Variants in MAMDC4 observed in about 807,000 individuals in gnomAD.
The protein encoded by MAMDC4 is apical endosomal glycoprotein.
MAMDC4 carries 168 observed loss-of-function variants against 153.3 expected under a neutral mutation model. The ratio of observed to expected loss-of-function variants is 1.10; its 90% CI spans 0.97 to 1.25. The LOEUF (loss-of-function observed/expected upper bound fraction) is 1.25, where lower values mean the gene tolerates loss of function less well. Among genes scored for constraint, MAMDC4 ranks in the 50% most tolerant of loss-of-function variants. The pLI is 0.00. For missense variants in MAMDC4, 1,701 were observed against 1,542.8 expected, an observed-to-expected ratio of 1.10 and a Z score of -1.72; for synonymous variants, 744 against 651.5, an observed-to-expected ratio of 1.14 and a Z score of -2.16.
At chr9:136,860,485 C>T in intron 26 of MAMDC4, 77 bp from the exon 27 acceptor site, 1 of 1,479,526 alleles carries the variant, frequency 6.8e-7, no homozygotes. Context: ...CGTGCCATTG[C>T]ACTCCATCCT....
rs763951533 is a variant in MAMDC4, at chr9:136,854,849, C to G, written c.1022C>G (p.Ser341Trp). The G allele has an allele frequency of 6.2e-7, 1 of 1,612,642 alleles. No individual in the cohort carries two copies. Among genetic ancestry groups the G allele is most frequent in the Non-Finnish European group, 8.5e-7 (1 of 1,179,882 alleles). The change falls in exon 9 of 27, where the codon TCG becomes TGG. Residue 341 changes from serine (S) to tryptophan (W), a missense_variant and splice_region_variant. Physicochemically the swap from Ser to Trp is radical, Grantham distance 177 (BLOSUM62 -3). Coordinates refer to ENST00000317446, the MANE Select transcript of MAMDC4 (RefSeq NM_206920.3). ...EFQASGTSNC[S>W]LVFYQYLSGS... is the part of the protein sequence containing the mutation. ...CAAGCCTCAGGCACCTCCAACTGCT[C>G]GGTGAGATGGGTGGGGCTCACAGGG...
chr9:136,852,615 G>A (rs1011303709), intron 1 of MAMDC4, among the ~76,000 whole-genome samples, 153 bp downstream of exon 1: 3 of 152,212 alleles, frequency 2.0e-5, no homozygotes, highest in Non-Finnish European at 4.4e-5. Context: ...TGCAAGGGGG[G>A]TGACCTGGAA....
chr9:136,859,240 C>T lies in MAMDC4; in HGVS notation c.3116C>T (p.Pro1039Leu), dbSNP rs201836450. Residue 1039 changes from proline to leucine, a missense_variant, in exon 25 of 27, where the codon CCA becomes CTA. Transcript: ENST00000317446. The part of the protein sequence containing the change: ...IVFEATLGGQ[P>L]ALGPIALDDV... ...TTTGAAGCCACTCTGGGCGGCCAGC[C>T]AGCCCTGGGGCCCATTGCCCTGGAT... The T allele has an allele frequency of 1.2e-6, 2 of 1,612,064 alleles. No homozygotes were observed. The highest frequency in any genetic ancestry group is 2.7e-5 in the African/African-American group (2 of 75,050).
intron 6 of MAMDC4, 31 bp from the exon 7 acceptor site, chr9:136,854,180 C>G (rs1277462087): frequency 6.2e-7 from 1 of 1,611,912 alleles, no homozygotes; most frequent in East Asian, 2.2e-5. Context: ...CTCCTGGGGC[C>G]TCGGTGAAGG....
At position 136,856,717 on chromosome 9, in the gene MAMDC4, C is replaced by G. The variant is rs761101796; in HGVS notation, c.1728C>G (p.Ser576=). 1.9e-6 allele frequency: 3 copies of G among 1,612,556 alleles called. No homozygotes were observed. In the East Asian group the frequency reaches 6.7e-5, roughly 36 times the overall value. ...YYLQSQPREV[S]CNFERDTCSW... ...ACCTGGCCCCACCCCCAGAGGTCTC[C>G]TGTAACTTTGAGCGGGACACATGCA... Residue 576 remains serine (S), a synonymous_variant, in exon 15 of 27, where the codon TCC becomes TCG. Coordinates refer to ENST00000317446, the MANE Select transcript of MAMDC4 (RefSeq NM_206920.3).
Position 136,855,713 on chromosome 9 carries a change from G to C in MAMDC4, c.1472-19G>C, listed in dbSNP as rs1848994917. On this transcript the variant is annotated intron_variant, in intron 12 of 26. Transcript: ENST00000317446. ...AGGACTCTGAGGACTCTGCCATTCA[G>C]TGCCGGCTGCTGTTCCAGGCACCAC... 1 of 1,574,348 alleles carries C rather than the reference G, an allele frequency of 6.4e-7. No homozygotes were observed. The highest frequency in any genetic ancestry group is 2.3e-5 in the East Asian group (1 of 43,482).
chr9:136,857,486 C>T lies in MAMDC4; in HGVS notation c.2226C>T (p.Gly742=), dbSNP rs374960513. 7.5e-6 allele frequency: 12 copies of T among 1,609,596 alleles called. No individual in the cohort carries two copies. The African/African-American group carries it at 1.5e-4, about 20-fold the overall frequency. The change falls in exon 18 of 27, where the codon GGC becomes GGT. Residue 742 remains glycine (G), a synonymous_variant. Transcript: ENST00000317446. ...NYCSFEDSDC[G]FSPGGQGLWR... is the part of the protein sequence containing the mutation. Reference sequence around the variant, plus strand: ...GCTCCTTTGAGGACTCAGACTGCGGCTTCTCCCCTGGAGGCCAAGGTCTCT... The same window carrying T: ...GCTCCTTTGAGGACTCAGACTGCGGTTTCTCCCCTGGAGGCCAAGGTCTCT...
chr9:136,857,194 G>A lies in MAMDC4; in HGVS notation c.2002G>A (p.Gly668Arg), dbSNP rs1432989818. The change falls in exon 17 of 27, where the codon GGG becomes AGG. Residue 668 changes from glycine (G) to arginine (R), a missense_variant. Coordinates refer to ENST00000317446, the MANE Select transcript of MAMDC4 (RefSeq NM_206920.3). ...GTLRLAMRRE[G>R]EETHLWSRSG... ...TCTGCGCCTAGCCATGAGACGGGAA[G>A]GGGAGGAGACACACCTGTGGTCGCG... 3 of 1,612,220 alleles carry A rather than the reference G, an allele frequency of 1.9e-6. No individual in the cohort carries two copies. The highest frequency in any genetic ancestry group is 1.3e-5 in the African/African-American group (1 of 74,936).
chr9:136,854,750 C>T lies in MAMDC4; in HGVS notation c.935-12C>T. On this transcript the variant is annotated splice_polypyrimidine_tract_variant and intron_variant, in intron 8 of 26. Coordinates refer to ENST00000317446, the MANE Select transcript of MAMDC4 (RefSeq NM_206920.3). ...CCCAGTGGCCCTGGCCCACTCCCGTCCTTTCCCGCAGGCTCCTTCCTGGTC... is the reference window on the plus strand; with the variant it reads ...CCCAGTGGCCCTGGCCCACTCCCGTTCTTTCCCGCAGGCTCCTTCCTGGTC... 10 of 1,612,732 alleles carry T rather than the reference C, an allele frequency of 6.2e-6. No individual in the cohort carries two copies. The highest frequency in any genetic ancestry group is 8.5e-6 in the Non-Finnish European group (10 of 1,179,856).
rs765797138 is a variant in MAMDC4, at chr9:136,858,171, C to T, written c.2584-15C>T. The T allele has an allele frequency of 7.3e-5, 114 of 1,569,606 alleles. No homozygotes were observed. The highest frequency in any genetic ancestry group is 8.6e-5 in the Non-Finnish European group (100 of 1,162,358). On this transcript the variant is annotated splice_polypyrimidine_tract_variant and intron_variant, in intron 20 of 26. Coordinates refer to ENST00000317446, the MANE Select transcript of MAMDC4 (RefSeq NM_206920.3). Reference sequence around the variant, plus strand: ...GCCTGGACCCGCTGAGGCTGCCCTGCCCTGCACCCGCCAGGTGGTGTTTGA... The same window carrying T: ...GCCTGGACCCGCTGAGGCTGCCCTGTCCTGCACCCGCCAGGTGGTGTTTGA...
chr9:136,853,074 G>C (rs1243665617), intron 1 of MAMDC4, 28 bp from the exon 2 acceptor site: 1 of 1,604,436 alleles, frequency 6.2e-7, no homozygotes, highest in African/African-American at 1.3e-5. Flanking sequence ...CCTGCCCCCA[G>C]GCCACCTGGC....
chr9:136,858,245 G>A lies in MAMDC4; in HGVS notation c.2643G>A (p.Leu881=). The change falls in exon 21 of 27, where the codon CTG becomes CTA. Residue 881 remains leucine, a synonymous_variant. Transcript: ENST00000317446. ...VAHSYVALDD[L]LLQDGPCPQP... ...ACTCCTACGTGGCTCTGGATGATCT[G>A]CTCCTCCAGGACGGGCCCTGCCCTC... 6.2e-7 allele frequency: 1 copy of A among 1,601,728 alleles called. No homozygotes were observed. Among genetic ancestry groups the A allele is most frequent in the Admixed American group, 1.7e-5 (1 of 59,634 alleles).
Position 136,855,816 on chromosome 9 carries a change from A to T in MAMDC4, c.1556A>T (p.Gln519Leu), listed in dbSNP as rs764112424. The T allele has an allele frequency of 2.0e-6, 3 of 1,532,532 alleles. No homozygotes were observed. In the South Asian group the frequency reaches 3.7e-5, roughly 19 times the overall value. The allele number at this position is 1,532,532 out of a possible 1,614,324, so 94.9% of individuals were successfully genotyped here. Residue 519 changes from glutamine to leucine, a missense_variant, in exon 13 of 27, where the codon CAG (glutamine) becomes CTG (leucine). Transcript: ENST00000317446. ...GRLQWRRVSA[Q>L]ESQGSSAAAA... Reference sequence around the variant, plus strand: ...CTGCAGTGGCGGCGTGTCTCAGCCCAGGAGAGCCAGGGGTCCAGTGCAGCT... The same window carrying T: ...CTGCAGTGGCGGCGTGTCTCAGCCCTGGAGAGCCAGGGGTCCAGTGCAGCT...
chr9:136,859,129 C>A lies in MAMDC4; in HGVS notation c.3081C>A (p.Phe1027Leu), dbSNP rs1343402775. 1 of 1,567,652 alleles carries A rather than the reference C, an allele frequency of 6.4e-7. No individual in the cohort carries two copies. Among genetic ancestry groups the A allele is most frequent in the Non-Finnish European group, 8.7e-7 (1 of 1,155,834 alleles). The change falls in exon 24 of 27, where the codon TTC (phenylalanine) becomes TTA (leucine). Residue 1027 changes from phenylalanine to leucine, a missense_variant. Coordinates refer to ENST00000317446, the MANE Select transcript of MAMDC4 (RefSeq NM_206920.3). ...AQVEVASAKEFQIVFEATLGG... is the reference protein window; with the variant it reads ...AQVEVASAKELQIVFEATLGG... Reference sequence around the variant, plus strand: ...TGGAGGTAGCCAGTGCCAAGGAGTTCCAGGTGAGGCTGGCTGTGGGCAAGG... The same window carrying A: ...TGGAGGTAGCCAGTGCCAAGGAGTTACAGGTGAGGCTGGCTGTGGGCAAGG...
chr9:136,855,364 C>G, intron 11 of MAMDC4, 26 bp downstream of exon 11: 1 of 1,599,784 alleles, frequency 6.3e-7, no homozygotes, highest in Non-Finnish European at 8.5e-7. Context: ...CTGCCCTACC[C>G]TGCCTTGCCC....
At position 136,855,236 on chromosome 9, in the gene MAMDC4, G is replaced by A; in HGVS notation, c.1198-18G>A. 6.3e-7 allele frequency: 1 copy of A among 1,582,680 alleles called. No homozygotes were observed. Among genetic ancestry groups the A allele is most frequent in the Non-Finnish European group, 8.6e-7 (1 of 1,165,146 alleles). On this transcript the variant is annotated intron_variant, in intron 10 of 26. Coordinates refer to ENST00000317446, the MANE Select transcript of MAMDC4 (RefSeq NM_206920.3). ...GGGGGAAATAGGCTGGGCACCCCCT[G>A]AGCCCCTCTGCCCTCAGATCCTCCT...
Position 136,855,837 on chromosome 9 carries a change from C to T in MAMDC4, c.1577C>T (p.Ala526Val). The T allele has an allele frequency of 6.6e-7, 1 of 1,512,568 alleles. No homozygotes were observed. The highest frequency in any genetic ancestry group is 8.9e-7 in the Non-Finnish European group (1 of 1,129,248). The allele number at this position is 1,512,568 out of a possible 1,614,324, so 93.7% of individuals were successfully genotyped here. A position where few individuals can be genotyped will look rare whatever the true frequency, so the allele number is the denominator to read the frequency against. ...VSAQESQGSS[A>V]AAAGHFLSLQ... ...GCCCAGGAGAGCCAGGGGTCCAGTGCAGCTGCTGCTGGTGAGGCCCAAGGC... is the reference window on the plus strand; with the variant it reads ...GCCCAGGAGAGCCAGGGGTCCAGTGTAGCTGCTGCTGGTGAGGCCCAAGGC... Residue 526 changes from alanine to valine, a missense_variant, in exon 13 of 27, where the codon GCA (alanine) becomes GTA (valine). Transcript: ENST00000317446.
At position 136,852,398 on chromosome 9, in the gene MAMDC4, T is replaced by G. The variant is rs1848939037; in HGVS notation, c.-19T>G. The G allele has an allele frequency of 6.2e-7, 1 of 1,608,638 alleles. No individual in the cohort carries two copies. Among genetic ancestry groups the G allele is most frequent in the African/African-American group, 1.3e-5 (1 of 74,938 alleles). ...TCCCAGGCACCCTGTGTGGCCGCAC[T>G]GCTCCCTCTGGCCCAACCATGCCTC... On this transcript the variant is annotated 5_prime_UTR_variant, in exon 1 of 27. Transcript: ENST00000317446.
At position 136,860,064 on chromosome 9, in the gene MAMDC4, G is replaced by C. The variant is rs767505840; in HGVS notation, c.3372G>C (p.Ala1124=). 6.4e-7 allele frequency: 1 copy of C among 1,564,138 alleles called. No individual in the cohort carries two copies. Among genetic ancestry groups the C allele is most frequent in the Admixed American group, 1.9e-5 (1 of 52,782 alleles). Residue 1124 remains alanine (A), a splice_region_variant and synonymous_variant, in exon 26 of 27, where the codon GCG becomes GCC. Coordinates refer to ENST00000317446, the MANE Select transcript of MAMDC4 (RefSeq NM_206920.3). The stretch of plus-strand genomic sequence containing the variant: ...GCTTTGACAACATCCTTTTCAATGC[G>C]GTAGGAGCCCCTGGGGATGGGTGGG... ...APGFDNILFN[A]DGVTLPASVT...
Sources: gnomAD v4.1 joint callset for allele counts (sites outside exome capture counted in the v4.1 genomes callset) on GRCh38, gnomAD v4.1.1 for gene constraint, MANE v1.5 for transcripts, NCBI Gene and HGNC (gene_info 2026-07-23, HGNC 2026-07-21) for gene names.